The following SYT8 variants were observed in gnomAD, a reference collection of about 807,000 sequenced individuals.
The protein encoded by SYT8 is synaptotagmin-8.
A neutral mutation model predicts 34.9 loss-of-function variants in SYT8; 50 were observed. The observed-to-expected ratio is 1.43, with a 90% confidence interval of 1.14 to 1.81. The LOEUF (loss-of-function observed/expected upper bound fraction) is 1.81. SYT8 is among the 40% of genes most tolerant of loss of function. The probability of loss-of-function intolerance (pLI) is 0.00; values close to 1 mark genes in which losing one functional copy is unlikely to be tolerated. For missense variants in SYT8, 595 were observed against 529.0 expected (o/e 1.12, Z -1.22); for synonymous variants, 255 against 234.2 (o/e 1.09, Z -0.81).
intron 2 of SYT8, 139 bp from the exon 3 acceptor site, chr11:1,835,747 C>G: frequency 1.2e-6 from 1 of 839,000 alleles, no homozygotes; most frequent in African/African-American, 1.7e-5. Flanking sequence ...AGAGCGAAGC[C>G]GACGATTTGT....
At chr11:1,834,560 G>A (rs1459528799), upstream of SYT8, 2 of 1,574,346 alleles carry the variant, frequency 1.3e-6, no homozygotes, top group African/African-American at 1.4e-5. This position sits in a 1 kb window ranked among gnomAD's most constrained non-coding sequence, Gnocchi z 4.5. Context: ...GTTCCTGGGG[G>A]CTGCAGTGAA....
At position 1,836,982 on chromosome 11, in the gene SYT8, G is replaced by A. The variant is rs1364746684; in HGVS notation, c.816G>A (p.Met272Ile). The change falls in exon 7 of 8, where the codon ATG becomes ATA. Residue 272 changes from methionine to isoleucine, a missense_variant. Physicochemically the swap from Met to Ile is conservative, Grantham distance 10. Coordinates refer to ENST00000341958, the MANE Select transcript of SYT8 (RefSeq NM_001394072.1). ...LAEPYVKVQL[M>I]LNQRKWKKRK... ...AGCCCTACGTGAAGGTCCAGCTCAT[G>A]CTGAACCAGAGGAAGTGGAAGAAGA... 7 of 1,613,766 alleles carry A rather than the reference G, an allele frequency of 4.3e-6. No individual in the cohort carries two copies. Among genetic ancestry groups the A allele is most frequent in the Non-Finnish European group, 5.9e-6 (7 of 1,180,016 alleles).
At chr11:1,834,673 G>A (rs1386011742), upstream of SYT8, 1 of 1,477,998 alleles carries the variant, frequency 6.8e-7, no homozygotes, top group Non-Finnish European at 9.3e-7. This position sits in a 1 kb window ranked among gnomAD's most constrained non-coding sequence, Gnocchi z 4.5. Context: ...GAGACCCCCA[G>A]GGATGAGATG....
chr11:1,836,351 G>A (rs2461314), intron 4 of SYT8, 67 bp downstream of exon 4: 2 of 1,492,118 alleles, frequency 1.3e-6, no homozygotes, highest in South Asian at 1.3e-5. Context: ...GTGGGCCTGG[G>A]CAGCTGGGTG....
At chr11:1,834,794 C>A, upstream of SYT8, 1 of 698,438 alleles carries the variant, frequency 1.4e-6, no homozygotes, top group Non-Finnish European at 2.5e-6. This position sits in a 1 kb window ranked among gnomAD's most constrained non-coding sequence, Gnocchi z 4.5. Context: ...GCTCTGAGGT[C>A]CGGTGAAGGC....
In SYT8 at chr11:1,836,374, T is replaced by C. The variant is rs768354562; in HGVS notation, c.517-51T>C. ...GGGCAGCTGGGTGGGCCTGGGCAGC[T>C]GGGTGGGCCTGAGCTAGGGCAGCAG... On this transcript the variant is annotated intron_variant, in intron 4 of 7. Transcript: ENST00000341958. The C allele has an allele frequency of 2.0e-6, 3 of 1,498,242 alleles. No homozygotes were observed. The East Asian group carries it at 7.4e-5, about 37-fold the overall frequency. The allele number at this position is 1,498,242 out of a possible 1,614,324, so 92.8% of individuals were successfully genotyped here.
At position 1,837,246 on chromosome 11, in the gene SYT8, C is replaced by G; in HGVS notation, c.979C>G (p.Pro327Ala). 1 of 1,581,552 alleles carries G rather than the reference C, an allele frequency of 6.3e-7. No individual in the cohort carries two copies. Among genetic ancestry groups the G allele is most frequent in the Non-Finnish European group, 8.6e-7 (1 of 1,166,880 alleles). ...CCGCAGCCTGCCGCTCCGAACTGAG[C>G]CCGTAGGCAAGGTGCACCTGGGTGC... ...WDRSLPLRTEPVGKVHLGARA... is the reference protein window; with the variant it reads ...WDRSLPLRTEAVGKVHLGARA... Residue 327 changes from proline (P) to alanine (A), a missense_variant, in exon 8 of 8, where the codon CCC becomes GCC. Transcript: ENST00000341958.
intron 4 of SYT8, 67 bp from the exon 5 acceptor site, chr11:1,836,358 G>C: frequency 6.7e-7 from 1 of 1,495,820 alleles, no homozygotes. Flanking sequence ...TGGGCAGCTG[G>C]GTGGGCCTGG....
At chr11:1,833,815 CGTGTGTGT>C (rs3837417), upstream of SYT8, 13,898 of 141,712 alleles carry the variant, frequency 0.098, 802 homozygotes, top group Middle Eastern at 0.22. Flanking sequence ...TGTGCGCGTG[CGTGTGTGT>C]GTGTGTGTGT....
rs988421498 is a variant in SYT8 at position 1,836,903 on chromosome 11, C to T, written c.790+42C>T. 9 of 1,612,496 alleles carry T rather than the reference C, an allele frequency of 5.6e-6. No individual in the cohort carries two copies. In the Admixed American group the frequency reaches 8.3e-5, roughly 15 times the overall value. ...CCCACGTTGTTGTACAGAGGGGGGG[C>T]CCGTGCTCAGCCCCGAGCCCTGGGA... On this transcript the variant is annotated intron_variant, in intron 6 of 7. Coordinates refer to ENST00000341958, the MANE Select transcript of SYT8 (RefSeq NM_001394072.1).
upstream of SYT8, among the ~76,000 whole-genome samples, chr11:1,832,365 G>T (rs7930316): frequency 4.6e-5 from 7 of 152,096 alleles, no homozygotes; most frequent in African/African-American, 1.7e-4. Flanking sequence ...GGGGGGAGCC[G>T]GGGAGGAGGG....
chr11:1,833,050 A>G (rs555551456), upstream of SYT8, among the ~76,000 whole-genome samples: 24 of 152,282 alleles, frequency 1.6e-4, no homozygotes, highest in Non-Finnish European at 2.6e-4. Flanking sequence ...GCATGTATAC[A>G]GGCTCTGACA....
chr11:1,836,744 T>C lies in SYT8; in HGVS notation c.685-12T>C, dbSNP rs1252042067. On this transcript the variant is annotated splice_polypyrimidine_tract_variant and intron_variant, in intron 5 of 7. Coordinates refer to ENST00000341958, the MANE Select transcript of SYT8 (RefSeq NM_001394072.1). ...CACCCTCCCGGGCTGAAGCCCCTCT[T>C]GCTGCCCACAGCCCGAGCAGGTCGG... The C allele has an allele frequency of 6.2e-7, 1 of 1,607,386 alleles. No individual in the cohort carries two copies. The highest frequency in any genetic ancestry group is 1.3e-5 in the African/African-American group (1 of 74,924).
At chr11:1,832,165 G>A (rs1846689753), upstream of SYT8, among the ~76,000 whole-genome samples, 1 of 152,228 alleles carries the variant, frequency 6.6e-6, no homozygotes, top group Non-Finnish European at 1.5e-5. Flanking sequence ...GGCAGGTCTG[G>A]GGGTCCTGGG....
rs757177838 is a variant in SYT8, at chr11:1,835,368, C to CCTG, written c.178_180dup (p.Cys60dup). The CCTG allele has an allele frequency of 2.5e-6, 4 of 1,607,462 alleles. No homozygotes were observed. The highest frequency in any genetic ancestry group is 3.4e-6 in the Non-Finnish European group (4 of 1,179,230). ...CTCGTCTCCTGCCTCCTCTGTGCTG[C>CCTG]CTGCTGCTGCTGCCGCCGCCACAGG... On this transcript the variant is annotated inframe_insertion, in exon 2 of 8. Coordinates refer to ENST00000341958, the MANE Select transcript of SYT8 (RefSeq NM_001394072.1).
Position 1,837,307 on chromosome 11 carries a change from A to T in SYT8, c.1040A>T (p.Asp347Val). ...GGGCAGCCCCTGCAGCACTGGGCAG[A>T]CATGCTGGCCCACGCCCGGCGGCCC... is the stretch of plus-strand genomic sequence containing the variant. Reference protein sequence around the residue: ...ASGQPLQHWADMLAHARRPIA... With the variant: ...ASGQPLQHWAVMLAHARRPIA... The change falls in exon 8 of 8, where the codon GAC (aspartate) becomes GTC (valine). Residue 347 changes from aspartate (D) to valine (V), a missense_variant. Physicochemically the swap from Asp to Val is radical, Grantham distance 152. Transcript: ENST00000341958. The T allele has an allele frequency of 6.3e-7, 1 of 1,592,334 alleles. No individual in the cohort carries two copies. Among genetic ancestry groups the T allele is most frequent in the Non-Finnish European group, 8.5e-7 (1 of 1,174,804 alleles).
At chr11:1,832,109 G>A (rs1370929579), upstream of SYT8, among the ~76,000 whole-genome samples, 2 of 152,226 alleles carry the variant, frequency 1.3e-5, no homozygotes, top group African/African-American at 4.8e-5. Context: ...TCTGCCTGGT[G>A]GGGGCTGGGG....
At chr11:1,836,651 T>G (rs1173464857) in intron 5 of SYT8, 59 bp downstream of exon 5, 2 of 1,596,372 alleles carry the variant, frequency 1.3e-6, no homozygotes, top group East Asian at 2.2e-5. Context: ...CCCTGCCCTA[T>G]GGGCCATCGG....
intron 1 of SYT8, 44 bp from the exon 2 acceptor site, chr11:1,835,252 G>A (rs776295034): frequency 2.6e-5 from 42 of 1,605,478 alleles, no homozygotes; most frequent in Non-Finnish European, 3.5e-5. Context: ...CCAAGTGGGG[G>A]CTGCAGCTGT....
Sources: gnomAD v4.1 joint callset for allele counts (sites outside exome capture counted in the v4.1 genomes callset) on GRCh38, gnomAD v4.1.1 for gene constraint, Gnocchi (gnomAD v3.1) non-coding constraint, MANE v1.5 for transcripts, NCBI Gene and HGNC (gene_info 2026-07-23, HGNC 2026-07-21) for gene names.